LCLAT1: variants seen among roughly 807,000 people sequenced by gnomAD.
LCLAT1 encodes lysocardiolipin acyltransferase 1.
Under a neutral mutation model 30.7 loss-of-function variants are expected in LCLAT1, and 11 were observed. The observed-to-expected ratio is 0.36, with a 90% confidence interval of 0.23 to 0.59. The LOEUF is 0.59. Among genes scored for constraint, LCLAT1 ranks in the 20% least tolerant of loss-of-function variants. The pLI is 0.77. For missense variants in LCLAT1, 402 were observed against 458.6 expected (o/e 0.88, Z 1.13); for synonymous variants, 155 against 151.3 (o/e 1.02, Z -0.18).
chr2:30,540,971 T>C (rs1664111031), intron 3 of LCLAT1, among the ~76,000 whole-genome samples: 1 of 152,116 alleles, frequency 6.6e-6, no homozygotes, highest in Admixed American at 6.5e-5. Flanking sequence ...CCACATTTAT[T>C]TTTTTTAAAG....
chr2:30,616,513 C>T (rs1405670041), intron 5 of LCLAT1, among the ~76,000 whole-genome samples: 1 of 152,114 alleles, frequency 6.6e-6, no homozygotes, highest in African/African-American at 2.4e-5. Context: ...TGTCACTTTT[C>T]TTCTAATATT....
chr2:30,539,045 C>T (rs952784509), intron 3 of LCLAT1, among the ~76,000 whole-genome samples: 1 of 151,512 alleles, frequency 6.6e-6, no homozygotes, highest in African/African-American at 2.4e-5. Flanking sequence ...CTCCAACCTC[C>T]ACCTACCTGG....
intron 5 of LCLAT1, among the ~76,000 whole-genome samples, chr2:30,568,505 C>CTTTTTTTTTTTTTTTTTTTTT: frequency 1.2e-5 from 1 of 85,364 alleles, no homozygotes; most frequent in Non-Finnish European, 2.2e-5. Context: ...GTCTTTCTTT[C>CTTTTTTTTTTTTTTTTTTTTT]TTTTTTTTTT....
At chr2:30,538,607 C>T (rs938795653) in intron 3 of LCLAT1, among the ~76,000 whole-genome samples, 2 of 150,774 alleles carry the variant, frequency 1.3e-5, no homozygotes, top group African/African-American at 4.9e-5. Flanking sequence ...TGCACTGTAG[C>T]GTGGGGTGAC....
At chr2:30,599,258 G>A (rs2593431) in intron 5 of LCLAT1, among the ~76,000 whole-genome samples, 11,215 of 152,118 alleles carry the variant, frequency 0.074, 449 homozygotes, top group East Asian at 0.093. Context: ...CTGGGATTCC[G>A]GACATGAGCC....
intron 5 of LCLAT1, among the ~76,000 whole-genome samples, chr2:30,582,408 A>T (rs1302308959): frequency 1.3e-5 from 2 of 151,966 alleles, no homozygotes; most frequent in Admixed American, 6.6e-5. Context: ...AGGATATATA[A>T]CTCCTCTTCA....
At chr2:30,464,060 A>G (rs1246072845) in intron 1 of LCLAT1, among the ~76,000 whole-genome samples, 2 of 152,206 alleles carry the variant, frequency 1.3e-5, no homozygotes, top group Non-Finnish European at 2.9e-5. Flanking sequence ...AAAGGGCTCT[A>G]TCAGTTGATT....
intron 1 of LCLAT1, among the ~76,000 whole-genome samples, chr2:30,473,395 G>A (rs938368315): frequency 6.6e-6 from 1 of 152,164 alleles, no homozygotes; most frequent in Admixed American, 6.6e-5. Context: ...CAGGTAGACG[G>A]AAGAGAACCT....
In LCLAT1 at chr2:30,640,447, C is replaced by T; in HGVS notation, c.959C>T (p.Pro320Leu). Reference protein sequence around the residue: ...LSILYWTLFSPAMCLLIYLYS... With the variant: ...LSILYWTLFSLAMCLLIYLYS... Reference sequence around the variant, plus strand: ...ATACTGTATTGGACCCTGTTCAGCCCTGCAATGTGCCTACTCATATATTTG... The same window carrying T: ...ATACTGTATTGGACCCTGTTCAGCCTTGCAATGTGCCTACTCATATATTTG... Residue 320 changes from proline to leucine, a missense_variant, in exon 6 of 6, where the codon CCT becomes CTT. Transcript: ENST00000379509. The T allele has an allele frequency of 6.2e-7, 1 of 1,614,180 alleles. No individual in the cohort carries two copies. The highest frequency in any genetic ancestry group is 8.5e-7 in the Non-Finnish European group (1 of 1,180,020).
chr2:30,602,522 A>G (rs1163912787), intron 5 of LCLAT1, among the ~76,000 whole-genome samples: 2 of 152,314 alleles, frequency 1.3e-5, no homozygotes, highest in South Asian at 2.1e-4. Context: ...TTGTTTGGCC[A>G]TCTTAGACTT....
chr2:30,584,958 A>C (rs984766515), intron 5 of LCLAT1, among the ~76,000 whole-genome samples: 115 of 151,982 alleles, frequency 7.6e-4, no homozygotes, highest in African/African-American at 2.7e-3. Context: ...AAAAAAAAAA[A>C]AAAAAAAAAC....
intron 5 of LCLAT1, among the ~76,000 whole-genome samples, chr2:30,585,937 A>G (rs1666413539): frequency 1.3e-5 from 2 of 152,154 alleles, no homozygotes; most frequent in South Asian, 4.1e-4. Flanking sequence ...GTAACAAATT[A>G]TCATAAACTA....
At chr2:30,562,835 C>T (rs182495686) in intron 4 of LCLAT1, among the ~76,000 whole-genome samples, 1 of 152,276 alleles carries the variant, frequency 6.6e-6, no homozygotes, top group Admixed American at 6.5e-5. Context: ...CCTTCCTACT[C>T]CTCAGCGTCT....
Position 30,499,747 on chromosome 2 carries a change from A to G in LCLAT1, c.-4-25840A>G, listed in dbSNP as rs1041660962. ...TAAAAAAGTTCCATCTGTATATCCT[A>G]TAAATAACTTTAAAAACATCCTGCA... On this transcript the variant is annotated intron_variant, in intron 1 of 5. Coordinates refer to ENST00000379509, the MANE Select transcript of LCLAT1 (RefSeq NM_001002257.3). Among the ~76,000 whole-genome samples, 5 of 152,352 alleles carry G rather than the reference A, an allele frequency of 3.3e-5. 1 individual carries two copies. The highest frequency in any genetic ancestry group is 1.5e-5 in the Non-Finnish European group (1 of 68,028).
chr2:30,609,506 A>G (rs1156286032), intron 5 of LCLAT1, among the ~76,000 whole-genome samples: 1 of 152,112 alleles, frequency 6.6e-6, no homozygotes, highest in Non-Finnish European at 1.5e-5. Context: ...AAGTCCCCAT[A>G]TATTCATGAG....
intron 5 of LCLAT1, among the ~76,000 whole-genome samples, chr2:30,568,895 A>T (rs969881348): frequency 6.6e-6 from 1 of 151,420 alleles, no homozygotes; most frequent in South Asian, 2.1e-4. Context: ...GAGAAAAAAA[A>T]TCTTATCACT....
intron 1 of LCLAT1, among the ~76,000 whole-genome samples, chr2:30,509,371 G>A (rs956823521): frequency 1.3e-5 from 2 of 152,024 alleles, no homozygotes; most frequent in African/African-American, 2.4e-5. Flanking sequence ...CTTCACTTTC[G>A]TCCATTCAGT....
chr2:30,563,112 T>C (rs1157266536), intron 4 of LCLAT1, among the ~76,000 whole-genome samples: 1 of 151,962 alleles, frequency 6.6e-6, no homozygotes, highest in Non-Finnish European at 1.5e-5. Flanking sequence ...GGCATGATCA[T>C]GGTTCACTAC....
chr2:30,604,837 G>C (rs145394878), intron 5 of LCLAT1, among the ~76,000 whole-genome samples: 1 of 152,184 alleles, frequency 6.6e-6, no homozygotes, highest in African/African-American at 2.4e-5. Flanking sequence ...AAACTAAGGA[G>C]TGGGAGTCCC....
Sources: allele counts gnomAD v4.1 joint callset (sites outside exome capture counted in the v4.1 genomes callset), GRCh38; gene constraint gnomAD v4.1.1; transcripts MANE v1.5; gene names NCBI Gene and HGNC (gene_info 2026-07-23, HGNC 2026-07-21).